The following CTNNA2 variants were observed in gnomAD, a reference collection of about 807,000 sequenced individuals.
CTNNA2 encodes the protein catenin alpha 2.
Under a neutral mutation model 101.0 loss-of-function variants are expected in CTNNA2, and 42 were observed. The ratio of observed to expected loss-of-function variants is 0.42; its 90% confidence interval spans 0.32 to 0.54. CTNNA2 has a LOEUF of 0.54. CTNNA2 is among the 20% of genes least tolerant of loss of function. CTNNA2 has a pLI of 0.14. For synonymous variants in CTNNA2, 450 were observed against 456.4 expected (o/e 0.99, Z 0.18); for missense variants, 871 against 1,223.1 (o/e 0.71, Z 4.29).
intron 2 of CTNNA2, among the ~76,000 whole-genome samples, chr2:79,653,905 T>C (rs1446566503): frequency 6.6e-6 from 1 of 152,198 alleles, no homozygotes; most frequent in East Asian, 1.9e-4. Flanking sequence ...TTTCTGCCAC[T>C]ATGAAACAAA....
At chr2:79,819,557 G>C (rs191510314) in intron 3 of CTNNA2, among the ~76,000 whole-genome samples, 1 of 152,130 alleles carries the variant, frequency 6.6e-6, no homozygotes, top group Non-Finnish European at 1.5e-5. Flanking sequence ...TTGTATGTGT[G>C]TTAAGAATAT....
chr2:79,696,020 C>T (rs1422106920), intron 2 of CTNNA2, among the ~76,000 whole-genome samples: 3 of 151,894 alleles, frequency 2.0e-5, no homozygotes, highest in African/African-American at 4.8e-5. Context: ...CTATCCTGTC[C>T]CTTGGTGGAA....
At chr2:79,899,578 A>G (rs1324332716) in intron 6 of CTNNA2, among the ~76,000 whole-genome samples, 1 of 152,212 alleles carries the variant, frequency 6.6e-6, no homozygotes, top group African/African-American at 2.4e-5. Context: ...AATTTCTCTT[A>G]AAAAACACAT....
chr2:79,741,263 G>A (rs1424616970), intron 2 of CTNNA2, among the ~76,000 whole-genome samples: 1 of 152,126 alleles, frequency 6.6e-6, no homozygotes, highest in African/African-American at 2.4e-5. Context: ...CAAGAGTCCT[G>A]CATATGCTAA....
intron 2 of CTNNA2, among the ~76,000 whole-genome samples, chr2:79,724,268 G>T (rs1686671982): frequency 6.6e-6 from 1 of 150,508 alleles, no homozygotes; most frequent in Admixed American, 6.7e-5. Context: ...GACACCTTTG[G>T]GAAAAAAACA....
At chr2:80,137,180 G>A (rs994369259) in intron 7 of CTNNA2, among the ~76,000 whole-genome samples, 1 of 152,082 alleles carries the variant, frequency 6.6e-6, no homozygotes, top group African/African-American at 2.4e-5. Context: ...ATCTTATAAG[G>A]CAGAATACAG....
intron 7 of CTNNA2, among the ~76,000 whole-genome samples, chr2:79,982,232 A>ATATATATATATATATATATATG (rs1691357029): frequency 1.0e-5 from 1 of 97,598 alleles, no homozygotes; most frequent in African/African-American, 4.5e-5. Context: ...ATATATATAT[A>ATATATATATATATATATATATG]TATATATATG....
chr2:79,964,901 C>T (rs1689925402), intron 7 of CTNNA2, among the ~76,000 whole-genome samples: 1 of 152,148 alleles, frequency 6.6e-6, no homozygotes, highest in Non-Finnish European at 1.5e-5. Flanking sequence ...AAATAAGTGA[C>T]ATGGTCTAAC....
intron 9 of CTNNA2, among the ~76,000 whole-genome samples, chr2:80,463,402 C>T (rs1250918533): frequency 6.6e-6 from 1 of 152,070 alleles, no homozygotes; most frequent in Non-Finnish European, 1.5e-5. Flanking sequence ...GTTGAAATGC[C>T]TAGATTAATT....
intron 4 of CTNNA2, among the ~76,000 whole-genome samples, chr2:79,393,397 T>C (rs1368457179): frequency 1.3e-5 from 2 of 152,174 alleles, no homozygotes; most frequent in Non-Finnish European, 2.9e-5. Context: ...ATACATAAAG[T>C]ATGATTCGAA....
chr2:79,248,295 G>A (rs985084547), intron 2 of CTNNA2, among the ~76,000 whole-genome samples: 4 of 151,806 alleles, frequency 2.6e-5, no homozygotes, highest in Non-Finnish European at 5.9e-5. Context: ...TAAAATTTTA[G>A]TAGCCATCCA....
At chr2:79,562,538 CTGTT>C (rs1674844872) in intron 1 of CTNNA2, among the ~76,000 whole-genome samples, 1 of 151,980 alleles carries the variant, frequency 6.6e-6, no homozygotes, top group Non-Finnish European at 1.5e-5. Flanking sequence ...TGCCTACAAT[CTGTT>C]TGAACAGAAA....
chr2:79,950,365 C>G (rs1688796396), intron 7 of CTNNA2, among the ~76,000 whole-genome samples: 1 of 152,128 alleles, frequency 6.6e-6, no homozygotes, highest in Admixed American at 6.5e-5. Context: ...TAGATGAAGT[C>G]TAAAGGGAGT....
intron 7 of CTNNA2, among the ~76,000 whole-genome samples, chr2:79,991,391 T>A (rs1320484649): frequency 2.0e-5 from 3 of 152,126 alleles, no homozygotes; most frequent in African/African-American, 7.2e-5. Context: ...ATTTACTACT[T>A]CACATAATTT....
At chr2:79,961,821 C>CAAAA (rs35063153) in intron 7 of CTNNA2, among the ~76,000 whole-genome samples, 18 of 86,804 alleles carry the variant, frequency 2.1e-4, no homozygotes, top group Non-Finnish European at 2.8e-4. Context: ...GACTCCGTCT[C>CAAAA]AAAAAAAAAA....
At chr2:80,625,845 G>T (rs1222824910) in intron 18 of CTNNA2, among the ~76,000 whole-genome samples, 2 of 151,608 alleles carry the variant, frequency 1.3e-5, no homozygotes, top group African/African-American at 4.8e-5. Flanking sequence ...CTAGGATTTG[G>T]GGCCAAAAAT....
rs905558093 is a variant in CTNNA2, at chr2:80,560,721, A to C, written c.1741+4828A>C. Among the ~76,000 whole-genome samples the C allele has an allele frequency of 2.6e-5, 4 of 152,220 alleles. No individual in the cohort carries two copies. The South Asian group carries it at 8.3e-4, about 32-fold the overall frequency. On this transcript the variant is annotated intron_variant, in intron 12 of 18. Coordinates refer to ENST00000402739, the MANE Select transcript of CTNNA2 (RefSeq NM_001282597.3). ...TCTGTTTATTGAGATTCACCTTTAA[A>C]ATATAGCTCTAGTCTCAGTTGGAGA...
intron 18 of CTNNA2, among the ~76,000 whole-genome samples, chr2:80,646,841 G>A (rs137989567): frequency 1.1e-3 from 172 of 152,088 alleles, no homozygotes; most frequent in Non-Finnish European, 2.1e-3. Context: ...ACTAAAACCT[G>A]TGCTAGTTAC....
chr2:79,821,108 GAAAAC>G (rs1370050778), intron 3 of CTNNA2, among the ~76,000 whole-genome samples: 2 of 152,108 alleles, frequency 1.3e-5, no homozygotes, highest in African/African-American at 4.8e-5. Flanking sequence ...TTGTCACAAT[GAAAAC>G]AAAACAAAAC....
Sources: gnomAD v4.1 joint callset for allele counts (sites outside exome capture counted in the v4.1 genomes callset) on GRCh38, gnomAD v4.1.1 for gene constraint, MANE v1.5 for transcripts, NCBI Gene and HGNC (gene_info 2026-07-23, HGNC 2026-07-21) for gene names.